The following MAMLD1 variants were observed in gnomAD, a reference collection of about 807,000 sequenced individuals.
MAMLD1 encodes the protein mastermind-like domain-containing protein 1.
In MAMLD1, 14 loss-of-function variants were observed where a neutral mutation model predicts 45.0. That is an observed-to-expected ratio of 0.31 (90% CI 0.21 to 0.49). MAMLD1 has a LOEUF of 0.49. Among genes scored for constraint, MAMLD1 ranks in the 20% least tolerant of loss-of-function variants. MAMLD1 has a pLI of 0.99. For synonymous variants in MAMLD1, 254 were observed against 247.8 expected, an observed-to-expected ratio of 1.02 and a Z score of -0.24; for missense variants, 543 against 603.6, an observed-to-expected ratio of 0.90 and a Z score of 1.05.
intron 2 of MAMLD1, among the ~76,000 whole-genome samples, chrX:150,447,048 T>C (rs184199366): frequency 8.9e-6 from 1 of 112,504 alleles, no homozygotes; most frequent in East Asian, 2.8e-4. Flanking sequence ...TTTTGATCAG[T>C]GTACAGTTGA....
chrX:150,468,470 C>G (rs2036293554), intron 3 of MAMLD1, among the ~76,000 whole-genome samples: 1 of 111,779 alleles, frequency 8.9e-6, no homozygotes, highest in Non-Finnish European at 1.9e-5. Flanking sequence ...TCTACCTGTT[C>G]ACCTATCGGC....
intron 1 of MAMLD1, among the ~76,000 whole-genome samples, chrX:150,368,175 A>G (rs2031660350): frequency 9.0e-6 from 1 of 111,724 alleles, no homozygotes; most frequent in Admixed American, 9.4e-5. Context: ...CAGTCCCACC[A>G]ACAGTGTAAA....
chrX:150,485,419 G>T (rs1429887810), intron 5 of MAMLD1, among the ~76,000 whole-genome samples: 3 of 111,176 alleles, frequency 2.7e-5, no homozygotes, highest in Non-Finnish European at 5.7e-5. Context: ...TAATTTTTTT[G>T]TTTACAGTTA....
intron 2 of MAMLD1, among the ~76,000 whole-genome samples, chrX:150,453,003 G>A (rs1004138145): frequency 6.3e-5 from 7 of 110,860 alleles, no homozygotes; most frequent in Non-Finnish European, 1.1e-4. Context: ...TCACTTGCAC[G>A]GTTTAGAAAT....
At chrX:150,481,906 G>A (rs782110783) in intron 5 of MAMLD1, among the ~76,000 whole-genome samples, 1 of 95,008 alleles carries the variant, frequency 1.1e-5, no homozygotes, top group African/African-American at 3.8e-5. Flanking sequence ...GAAAGAAAGA[G>A]AGACAGAGAC....
At chrX:150,463,994 G>A (rs1369236084) in intron 3 of MAMLD1, among the ~76,000 whole-genome samples, 1 of 112,244 alleles carries the variant, frequency 8.9e-6, no homozygotes, top group Non-Finnish European at 1.9e-5. Context: ...AATGATATCA[G>A]TAGTGATTAC....
intron 1 of MAMLD1, among the ~76,000 whole-genome samples, chrX:150,395,043 A>G (rs1400018834): frequency 6.3e-5 from 7 of 111,934 alleles, no homozygotes; most frequent in Admixed American, 3.8e-4. Context: ...CTAGTCTCTT[A>G]CCATTAAGTA....
At chrX:150,385,684 G>A (rs1557402015) in intron 1 of MAMLD1, among the ~76,000 whole-genome samples, 2 of 111,435 alleles carry the variant, frequency 1.8e-5, no homozygotes, top group Non-Finnish European at 3.8e-5. Context: ...GGATGACAGA[G>A]GCAGAAGTGA....
At chrX:150,394,169 A>G (rs57210657) in intron 1 of MAMLD1, among the ~76,000 whole-genome samples, 1 of 24,270 alleles carries the variant, frequency 4.1e-5, no homozygotes, top group African/African-American at 1.8e-4. Flanking sequence ...ATCAATGTCC[A>G]GTTGTTCTAG....
chrX:150,500,048 T>C (rs1557408457), intron 5 of MAMLD1, among the ~76,000 whole-genome samples: 1 of 112,333 alleles, frequency 8.9e-6, no homozygotes, highest in Non-Finnish European at 1.9e-5. Flanking sequence ...TGCAAGTATT[T>C]GCTGAGCCCT....
Position 150,513,422 on chromosome X carries a change from T to G in MAMLD1, c.*1463T>G, listed in dbSNP as rs1342841592. On this transcript the variant is annotated 3_prime_UTR_variant, in exon 8 of 8. Coordinates refer to ENST00000370401, the MANE Select transcript of MAMLD1 (RefSeq NM_005491.5). Reference sequence around the variant, plus strand: ...CAAATATGCAGACCGTGTTGTTTGCTCCAGTGATACCTTGTTAAGCTAGGT... The same window carrying G: ...CAAATATGCAGACCGTGTTGTTTGCGCCAGTGATACCTTGTTAAGCTAGGT... 7 of 304,981 alleles carry G rather than the reference T, an allele frequency of 2.3e-5. No homozygotes were observed. The highest frequency in any genetic ancestry group is 4.0e-5 in the Non-Finnish European group (7 of 175,602). The allele number at this position is 304,981 out of a possible 1,213,427, so 25.1% of individuals were successfully genotyped here. A position where few individuals can be genotyped will look rare whatever the true frequency, so the allele number is the denominator to read the frequency against.
rs1016294718 is a variant in MAMLD1 at position 150,469,228 on chromosome X, G to A, written c.172-517G>A. On this transcript the variant is annotated intron_variant, in intron 3 of 7. Transcript: ENST00000370401. ...CAATTCTATACTATGGTATTCCTTC[G>A]TTAAAATCTATGTGTCTGTAGACAG... Among the ~76,000 whole-genome samples, 3 of 112,129 alleles carry A rather than the reference G, an allele frequency of 2.7e-5. 1 individual carries two copies. Among genetic ancestry groups the A allele is most frequent in the Admixed American group, 9.4e-5 (1 of 10,629 alleles).
chrX:150,413,693 C>T (rs2034178288), intron 1 of MAMLD1, among the ~76,000 whole-genome samples: 2 of 109,682 alleles, frequency 1.8e-5, no homozygotes, highest in Admixed American at 2.0e-4. Flanking sequence ...CAAGAATGTA[C>T]CCCTGAAAGA....
At chrX:150,410,171 G>T (rs1353448112) in intron 1 of MAMLD1, among the ~76,000 whole-genome samples, 2 of 111,920 alleles carry the variant, frequency 1.8e-5, no homozygotes, top group Non-Finnish European at 3.8e-5. Flanking sequence ...CTGGCTCAAG[G>T]CCCCACAGCA....
intron 2 of MAMLD1, among the ~76,000 whole-genome samples, chrX:150,447,084 C>T (rs1214824445): frequency 1.8e-5 from 2 of 112,242 alleles, no homozygotes; most frequent in Non-Finnish European, 3.8e-5. Flanking sequence ...TGGGGGTTGT[C>T]CTTAGAATAG....
At position 150,425,877 on chromosome X, in the gene MAMLD1, T is replaced by G. The variant is rs188667993; in HGVS notation, c.-63-19577T>G. On this transcript the variant is annotated intron_variant, in intron 1 of 7. Coordinates refer to ENST00000370401, the MANE Select transcript of MAMLD1 (RefSeq NM_005491.5). ...GAGCGAGCCAGTGAAATGCTCTGTG[T>G]AAATTGTCAAGCCCAGTGTCTGGAT... Among the ~76,000 whole-genome samples, 193 of 112,289 alleles carry G rather than the reference T, an allele frequency of 1.7e-3. 1 individual carries two copies. Among genetic ancestry groups the G allele is most frequent in the African/African-American group, 6.0e-3 (186 of 30,886 alleles).
At chrX:150,459,086 C>T (rs782534406) in intron 2 of MAMLD1, among the ~76,000 whole-genome samples, 49 of 112,122 alleles carry the variant, frequency 4.4e-4, no homozygotes, top group Non-Finnish European at 7.0e-4. Context: ...AGGACTGTCA[C>T]CTTGTTTCCT....
chrX:150,507,682 C>T (rs932788778), intron 6 of MAMLD1, among the ~76,000 whole-genome samples: 2 of 112,297 alleles, frequency 1.8e-5, no homozygotes, highest in Admixed American at 1.9e-4. Flanking sequence ...CATTAGACTC[C>T]GGGGTCCTCT....
intron 1 of MAMLD1, among the ~76,000 whole-genome samples, chrX:150,380,885 A>G (rs1347859938): frequency 9.2e-6 from 1 of 108,918 alleles, no homozygotes. Context: ...AATGTTTTGT[A>G]GAGAGTGGAT....
Sources: allele counts gnomAD v4.1 joint callset (sites outside exome capture counted in the v4.1 genomes callset), GRCh38; gene constraint gnomAD v4.1.1; transcripts MANE v1.5; gene names NCBI Gene and HGNC (gene_info 2026-07-23, HGNC 2026-07-21).